KIAA1549L: variants seen among roughly 807,000 people sequenced by gnomAD.
KIAA1549L encodes the protein UPF0606 protein KIAA1549L.
In KIAA1549L, 88 loss-of-function variants were observed where a neutral mutation model predicts 160.7. That is an observed-to-expected ratio of 0.55 (90% confidence interval 0.46 to 0.65). The LOEUF (loss-of-function observed/expected upper bound fraction) is 0.65, where lower values mean the gene tolerates loss of function less well. Among genes scored for constraint, KIAA1549L ranks in the 30% least tolerant of loss-of-function variants. The probability of loss-of-function intolerance (pLI) is 0.00; values close to 1 mark genes in which losing one functional copy is unlikely to be tolerated. For missense variants in KIAA1549L, 2,258 were observed against 2,437.5 expected (o/e 0.93, Z 1.55); for synonymous variants, 950 against 976.7 (o/e 0.97, Z 0.51).
intron 1 of KIAA1549L, among the ~76,000 whole-genome samples, chr11:33,510,820 G>A (rs1339939235): frequency 6.6e-6 from 1 of 152,228 alleles, no homozygotes; most frequent in Non-Finnish European, 1.5e-5. Context: ...CAGCCCTGGA[G>A]AATCTGACCC....
intron 1 of KIAA1549L, among the ~76,000 whole-genome samples, chr11:33,514,707 G>A (rs756589783): frequency 2.0e-5 from 3 of 152,092 alleles, no homozygotes; most frequent in Non-Finnish European, 4.4e-5. Context: ...GATTTTTCCT[G>A]TAGTCAGTTT....
intron 1 of KIAA1549L, among the ~76,000 whole-genome samples, chr11:33,495,355 C>T (rs1852791386): frequency 6.6e-6 from 1 of 151,366 alleles, no homozygotes; most frequent in Admixed American, 6.6e-5. Flanking sequence ...CAATTCCCAC[C>T]TATGAGTGAG....
intron 20 of KIAA1549L, among the ~76,000 whole-genome samples, chr11:33,667,561 T>C (rs1198818696): frequency 2.0e-5 from 3 of 151,986 alleles, no homozygotes; most frequent in Admixed American, 2.0e-4. Flanking sequence ...CCTGGCTAAT[T>C]TTTTTTGTAT....
At chr11:33,652,492 C>G (rs1321284665) in intron 17 of KIAA1549L, among the ~76,000 whole-genome samples, 2 of 152,168 alleles carry the variant, frequency 1.3e-5, no homozygotes, top group Non-Finnish European at 2.9e-5. Context: ...TGCTGCTTGT[C>G]AGAAGTTCAG....
intron 1 of KIAA1549L, among the ~76,000 whole-genome samples, chr11:33,456,668 T>C (rs1185687235): frequency 6.6e-6 from 1 of 152,326 alleles, no homozygotes; most frequent in African/African-American, 2.4e-5. Context: ...TGCCCACGCC[T>C]TCCAAAGTGC....
At chr11:33,429,103 C>G (rs1851179793) in intron 1 of KIAA1549L, among the ~76,000 whole-genome samples, 1 of 152,202 alleles carries the variant, frequency 6.6e-6, no homozygotes, top group Admixed American at 6.5e-5. Flanking sequence ...TCCCAAGTAC[C>G]TGGGATTACA....
In KIAA1549L at chr11:33,612,108, G is replaced by T. The variant is rs1320613570; in HGVS notation, c.5279+2142G>T. ...GACCAGTTAAGGGGAAAATAATGGA[G>T]AGCCATAAACTGGGTGAGCTAGGAA... On this transcript the variant is annotated intron_variant, in intron 15 of 20. Transcript: ENST00000658780. Among the ~76,000 whole-genome samples the T allele has an allele frequency of 2.0e-5, 3 of 152,212 alleles. No homozygotes were observed. In the South Asian group the frequency reaches 6.2e-4, roughly 31 times the overall value.
At position 33,542,909 on chromosome 11, in the gene KIAA1549L, A is replaced by T. The variant is rs973776702; in HGVS notation, c.1346A>T (p.His449Leu). The T allele has an allele frequency of 8.1e-6, 13 of 1,614,070 alleles. No individual in the cohort carries two copies. Among genetic ancestry groups the T allele is most frequent in the Non-Finnish European group, 1.1e-5 (13 of 1,179,894 alleles). ...ATANDSANPL[H>L]LSAAPENSRG... Reference sequence around the variant, plus strand: ...GCAAATGACTCTGCTAACCCGCTGCATTTGTCAGCAGCTCCAGAGAATTCC... The same window carrying T: ...GCAAATGACTCTGCTAACCCGCTGCTTTTGTCAGCAGCTCCAGAGAATTCC... The change falls in exon 2 of 21, where the codon CAT (histidine) becomes CTT (leucine). Residue 449 changes from histidine to leucine, a missense_variant. His to Leu is a moderately conservative substitution (Grantham distance 99). Coordinates refer to ENST00000658780, the MANE Select transcript of KIAA1549L (RefSeq NM_012194.3).
rs1264927909 is a variant in KIAA1549L, at chr11:33,500,329, A to C, written c.239-41473A>C. On this transcript the variant is annotated intron_variant, in intron 1 of 20. Coordinates refer to ENST00000658780, the MANE Select transcript of KIAA1549L (RefSeq NM_012194.3). Reference sequence around the variant, plus strand: ...AGTACTGATATGAGAATTAAATGAGATGAAGTGTATATAAAGACTCTCAAA... The same window carrying C: ...AGTACTGATATGAGAATTAAATGAGCTGAAGTGTATATAAAGACTCTCAAA... Among the ~76,000 whole-genome samples the C allele has an allele frequency of 2.0e-5, 3 of 152,178 alleles. No homozygotes were observed. In the East Asian group the frequency reaches 5.8e-4, roughly 29 times the overall value.
chr11:33,623,918 G>C (rs1851026500), intron 16 of KIAA1549L, among the ~76,000 whole-genome samples: 1 of 152,224 alleles, frequency 6.6e-6, no homozygotes, highest in East Asian at 1.9e-4. Context: ...CTGCGTTCTG[G>C]ACCCTGTCTG....
At chr11:33,482,114 A>AT (rs1391190843) in intron 1 of KIAA1549L, among the ~76,000 whole-genome samples, 1 of 152,064 alleles carries the variant, frequency 6.6e-6, no homozygotes, top group Non-Finnish European at 1.5e-5. Flanking sequence ...TTCAAATAGC[A>AT]TTTTTTTCCT....
chr11:33,501,936 A>G (rs568299219), intron 1 of KIAA1549L, among the ~76,000 whole-genome samples: 83 of 152,322 alleles, frequency 5.4e-4, no homozygotes, highest in African/African-American at 1.9e-3. Flanking sequence ...CTCAGAGCTT[A>G]TCTCAGAATC....
At chr11:33,577,493 G>C (rs1473046555) in intron 10 of KIAA1549L, among the ~76,000 whole-genome samples, 1 of 152,188 alleles carries the variant, frequency 6.6e-6, no homozygotes, top group Non-Finnish European at 1.5e-5. Flanking sequence ...GAGGCAATGG[G>C]ATCTGGTGCA....
chr11:33,516,573 A>G (rs900675508), intron 1 of KIAA1549L, among the ~76,000 whole-genome samples: 10 of 152,348 alleles, frequency 6.6e-5, no homozygotes, highest in South Asian at 6.2e-4. Context: ...TCTTACTCCT[A>G]TCTTCCTTAC....
chr11:33,517,331 G>A (rs994160679), intron 1 of KIAA1549L, among the ~76,000 whole-genome samples: 5 of 152,162 alleles, frequency 3.3e-5, no homozygotes, highest in South Asian at 2.1e-4. Flanking sequence ...CTTATGTAAC[G>A]CCTCTGTAGC....
At chr11:33,628,168 G>A (rs971767581) in intron 16 of KIAA1549L, among the ~76,000 whole-genome samples, 12 of 151,940 alleles carry the variant, frequency 7.9e-5, no homozygotes, top group African/African-American at 1.5e-4. Context: ...TATAATTTCT[G>A]TTCTTTTACA....
chr11:33,551,677 C>G (rs1243222718), intron 5 of KIAA1549L, among the ~76,000 whole-genome samples: 1 of 151,850 alleles, frequency 6.6e-6, no homozygotes, highest in African/African-American at 2.4e-5. Flanking sequence ...TTCAAACTCT[C>G]TGGTGATTTC....
chr11:33,486,783 C>G (rs1852538160), intron 1 of KIAA1549L, among the ~76,000 whole-genome samples: 1 of 152,120 alleles, frequency 6.6e-6, no homozygotes, highest in East Asian at 1.9e-4. Context: ...AACCAAGGAG[C>G]TACCTGCAAA....
chr11:33,604,230 C>G (rs1850439833), intron 13 of KIAA1549L, among the ~76,000 whole-genome samples: 1 of 152,132 alleles, frequency 6.6e-6, no homozygotes, highest in African/African-American at 2.4e-5. Flanking sequence ...GTCATTCTGG[C>G]TCAGGGTCTC....
Sources: gnomAD v4.1 joint callset for allele counts (sites outside exome capture counted in the v4.1 genomes callset) on GRCh38, gnomAD v4.1.1 for gene constraint, MANE v1.5 for transcripts, NCBI Gene and HGNC (gene_info 2026-07-23, HGNC 2026-07-21) for gene names.